Variants in CCDC71L observed in about 807,000 individuals in gnomAD.
CCDC71L encodes coiled-coil domain containing 71 like.
In CCDC71L, 6 loss-of-function variants were observed where a neutral mutation model predicts 10.2. The observed-to-expected ratio is 0.59, with a 90% CI of 0.32 to 1.16. CCDC71L has a LOEUF of 1.16. CCDC71L is among the 50% of genes most tolerant of loss of function. The pLI, the probability that CCDC71L is intolerant of heterozygous loss-of-function variation, is 0.05. For synonymous variants in CCDC71L, 204 were observed against 175.5 expected (o/e 1.16, Z -1.28); for missense variants, 366 against 383.4 (o/e 0.95, Z 0.38).
At position 106,655,076 on chromosome 7, in the gene CCDC71L, ATTAC is replaced by A. The variant is rs1221240607; in HGVS notation, c.*5109_*5112del. Among the ~76,000 whole-genome samples the A allele has an allele frequency of 6.6e-6, 1 of 152,122 alleles. No individual in the cohort carries two copies. Among genetic ancestry groups the A allele is most frequent in the African/African-American group, 2.4e-5 (1 of 41,442 alleles). On this transcript the variant is annotated 3_prime_UTR_variant, in exon 1 of 1. Coordinates refer to ENST00000523505, the MANE Select transcript of CCDC71L (RefSeq NM_175884.6). ...CATAGTGTTTGGTGTTTTTATGATT[ATTAC>A]TTTCCAATTGGGCTTTAGATATGTT...
chr7:106,660,315 G>A lies in CCDC71L; in HGVS notation c.582C>T (p.Ile194=), dbSNP rs1368234740. The A allele has an allele frequency of 6.5e-7, 1 of 1,535,014 alleles. No homozygotes were observed. The highest frequency in any genetic ancestry group is 8.7e-7 in the Non-Finnish European group (1 of 1,151,508). The change falls in exon 1 of 1, where the codon ATC becomes ATT. Residue 194 remains isoleucine (I), a synonymous_variant. Coordinates refer to ENST00000523505, the MANE Select transcript of CCDC71L (RefSeq NM_175884.6). This position sits in a 1 kb window ranked among gnomAD's most constrained non-coding sequence, Gnocchi z 7.5. The part of the protein sequence containing the change: ...ATPTLTTFPT[I]RVGSDVWGER... ...CGCCCCACACGTCGCTGCCGACGCG[G>A]ATGGTGGGGAAGGTGGTCAGCGTCG... is the stretch of plus-strand genomic sequence containing the variant.
chr7:106,660,586 C>T lies in CCDC71L; in HGVS notation c.311G>A (p.Cys104Tyr). 5 of 1,563,652 alleles carry T rather than the reference C, an allele frequency of 3.2e-6. No homozygotes were observed. The highest frequency in any genetic ancestry group is 4.3e-6 in the Non-Finnish European group (5 of 1,156,486). ...CGGGGGGTCGGGTACCAGGGCCCGG[C>T]AGGAGGAGTAGCCGTAGACGTCCTT... ...RSKDVYGYSS[C>Y]RALVPDPPGP... Residue 104 changes from cysteine (C) to tyrosine (Y), a missense_variant, in exon 1 of 1, where the codon TGC (cysteine) becomes TAC (tyrosine). Coordinates refer to ENST00000523505, the MANE Select transcript of CCDC71L (RefSeq NM_175884.6). The surrounding 1 kb of genome is among the most constrained non-coding windows in gnomAD (Gnocchi z 7.5).
chr7:106,660,165 A>C lies in CCDC71L; in HGVS notation c.*24T>G, dbSNP rs1792563360. 1 of 1,509,328 alleles carries C rather than the reference A, an allele frequency of 6.6e-7. No homozygotes were observed. Among genetic ancestry groups the C allele is most frequent in the Non-Finnish European group, 8.8e-7 (1 of 1,139,984 alleles). The allele number at this position is 1,509,328 out of a possible 1,614,324, so 93.5% of individuals were successfully genotyped here. On this transcript the variant is annotated 3_prime_UTR_variant, in exon 1 of 1. Coordinates refer to ENST00000523505, the MANE Select transcript of CCDC71L (RefSeq NM_175884.6). The surrounding 1 kb of genome is among the most constrained non-coding windows in gnomAD (Gnocchi z 7.5). ...GGCCTGTCCCAAGGTCGGGGCCGGCAGGAGGCGCCCTGGAGGCCGCACCTC... is the reference window on the plus strand; with the variant it reads ...GGCCTGTCCCAAGGTCGGGGCCGGCCGGAGGCGCCCTGGAGGCCGCACCTC...
In CCDC71L at chr7:106,655,694, A is replaced by G. The variant is rs1183556919; in HGVS notation, c.*4495T>C. Among the ~76,000 whole-genome samples, 1 of 151,522 alleles carries G rather than the reference A, an allele frequency of 6.6e-6. No individual in the cohort carries two copies. Among genetic ancestry groups the G allele is most frequent in the African/African-American group, 2.5e-5 (1 of 40,812 alleles). The stretch of plus-strand genomic sequence containing the variant: ...GTACATTCAAATGTCTTATAGAGAT[A>G]TAACAAAAGAAGATGTGAATCTTTA... On this transcript the variant is annotated 3_prime_UTR_variant, in exon 1 of 1. Coordinates refer to ENST00000523505, the MANE Select transcript of CCDC71L (RefSeq NM_175884.6).
In CCDC71L at chr7:106,661,155, T is replaced by C. The variant is rs988840452; in HGVS notation, c.-259A>G. On this transcript the variant is annotated 5_prime_UTR_variant, in exon 1 of 1. Transcript: ENST00000523505. ...CCCCTGGTTTCTCTTTCTTCTCCTC[T>C]CTTGCCTCTTTTCGCCGGCTGCCTT... 6.6e-5 allele frequency among the ~76,000 whole-genome samples: 10 copies of C among 152,214 alleles called. No homozygotes were observed. Among genetic ancestry groups the C allele is most frequent in the African/African-American group, 2.4e-4 (10 of 41,456 alleles).
rs568155766 is a variant in CCDC71L at position 106,658,293 on chromosome 7, C to T, written c.*1896G>A. On this transcript the variant is annotated 3_prime_UTR_variant, in exon 1 of 1. Coordinates refer to ENST00000523505, the MANE Select transcript of CCDC71L (RefSeq NM_175884.6). ...CTCATGTGACAGTGTTTGTACAATG[C>T]ATTATCATTGAGTAGTGAATAAAAG... 2.0e-5 allele frequency: 3 copies of T among 152,190 alleles called. No homozygotes were observed. The East Asian group carries it at 5.8e-4, about 29-fold the overall frequency. The allele number at this position is 152,190 out of a possible 1,614,324, so 9.4% of individuals were successfully genotyped here.
At position 106,660,060 on chromosome 7, in the gene CCDC71L, G is replaced by A. The variant is rs753264788; in HGVS notation, c.*129C>T. On this transcript the variant is annotated 3_prime_UTR_variant, in exon 1 of 1. Coordinates refer to ENST00000523505, the MANE Select transcript of CCDC71L (RefSeq NM_175884.6). The surrounding 1 kb of genome is among the most constrained non-coding windows in gnomAD (Gnocchi z 7.5). ...GACAACCATCCGGCAACTTCTTCGCGCGTAAAGTGCATTGGGGGCCGGGGT... is the reference window on the plus strand; with the variant it reads ...GACAACCATCCGGCAACTTCTTCGCACGTAAAGTGCATTGGGGGCCGGGGT... 33 of 1,243,136 alleles carry A rather than the reference G, an allele frequency of 2.7e-5. No homozygotes were observed. Among genetic ancestry groups the A allele is most frequent in the African/African-American group, 4.8e-5 (3 of 62,888 alleles). 77.0% of individuals were successfully genotyped at this position (1,243,136 alleles called of 1,614,324 possible). A position where few individuals can be genotyped will look rare whatever the true frequency, so the allele number is the denominator to read the frequency against.
rs1427024461 is a variant in CCDC71L, at chr7:106,654,565, A to G, written c.*5624T>C. ...TAATTTCAAGTGAAAGAAGCTAGAC[A>G]CATGACCAATAATTCCATTTATGTA... On this transcript the variant is annotated 3_prime_UTR_variant, in exon 1 of 1. Transcript: ENST00000523505. Among the ~76,000 whole-genome samples, 1 of 152,194 alleles carries G rather than the reference A, an allele frequency of 6.6e-6. No homozygotes were observed. Among genetic ancestry groups the G allele is most frequent in the Non-Finnish European group, 1.5e-5 (1 of 68,006 alleles).
Position 106,660,040 on chromosome 7 carries a change from C to G in CCDC71L, c.*149G>C. The G allele has an allele frequency of 2.6e-6, 3 of 1,133,488 alleles. No individual in the cohort carries two copies. Among genetic ancestry groups the G allele is most frequent in the Non-Finnish European group, 3.5e-6 (3 of 855,684 alleles). 70.2% of individuals were successfully genotyped at this position (1,133,488 alleles called of 1,614,324 possible). A position where few individuals can be genotyped will look rare whatever the true frequency, so the allele number is the denominator to read the frequency against. On this transcript the variant is annotated 3_prime_UTR_variant, in exon 1 of 1. Transcript: ENST00000523505. This position sits in a 1 kb window ranked among gnomAD's most constrained non-coding sequence, Gnocchi z 7.5. ...GCGCCGCGGCCCGGGACAGGGACAA[C>G]CATCCGGCAACTTCTTCGCGCGTAA...
Position 106,660,390 on chromosome 7 carries a change from C to A in CCDC71L, c.507G>T (p.Gly169=). 9 of 1,335,498 alleles carry A rather than the reference C, an allele frequency of 6.7e-6. No individual in the cohort carries two copies. The South Asian group carries it at 1.7e-4, about 25-fold the overall frequency. 82.7% of individuals were successfully genotyped at this position (1,335,498 alleles called of 1,614,324 possible). ...ESCPAKPVAP[G]PCFGGRTLEE... is the part of the protein sequence containing the mutation. ...CCAAGGTGCGGCCCCCGAAGCAGGG[C>A]CCGGGGGCCACGGGCTTGGCCGGGC... Residue 169 remains glycine, a synonymous_variant, in exon 1 of 1, where the codon GGG becomes GGT. Transcript: ENST00000523505. The surrounding 1 kb of genome is among the most constrained non-coding windows in gnomAD (Gnocchi z 7.5).
chr7:106,660,630 G>C lies in CCDC71L; in HGVS notation c.267C>G (p.Ser89=), dbSNP rs373458494. 8 of 1,590,346 alleles carry C rather than the reference G, an allele frequency of 5.0e-6. No homozygotes were observed. Among genetic ancestry groups the C allele is most frequent in the Admixed American group, 1.8e-5 (1 of 57,018 alleles). ...CGTCCTTGCTGCGCAGGATGTGCGG[G>C]GAGAACTGGTGCTTGAGGCTGCAGA... ...SFLCSLKHQF[S]PHILRSKDVY... is the part of the protein sequence containing the mutation. The change falls in exon 1 of 1, where the codon TCC becomes TCG. Residue 89 remains serine, a synonymous_variant. Transcript: ENST00000523505. This position sits in a 1 kb window ranked among gnomAD's most constrained non-coding sequence, Gnocchi z 7.5.
In CCDC71L at chr7:106,655,078, T is replaced by TA. The variant is rs1270224950; in HGVS notation, c.*5110dup. 2.6e-5 allele frequency among the ~76,000 whole-genome samples: 4 copies of TA among 152,170 alleles called. No individual in the cohort carries two copies. Among genetic ancestry groups the TA allele is most frequent in the Non-Finnish European group, 5.9e-5 (4 of 67,984 alleles). ...TAGTGTTTGGTGTTTTTATGATTAT[T>TA]ACTTTCCAATTGGGCTTTAGATATG... On this transcript the variant is annotated 3_prime_UTR_variant, in exon 1 of 1. Coordinates refer to ENST00000523505, the MANE Select transcript of CCDC71L (RefSeq NM_175884.6).
chr7:106,657,323 ATG>A lies in CCDC71L; in HGVS notation c.*2864_*2865del, dbSNP rs1792507339. On this transcript the variant is annotated 3_prime_UTR_variant, in exon 1 of 1. Transcript: ENST00000523505. Reference sequence around the variant, plus strand: ...ATGACATCAAGAATCTCAAAAAGTTATGTGAGGTGCCGGTCACCACATTTAGG... The same window carrying A: ...ATGACATCAAGAATCTCAAAAAGTTATGAGGTGCCGGTCACCACATTTAGG... 1 of 152,196 alleles carries A rather than the reference ATG, an allele frequency of 6.6e-6. No homozygotes were observed. The highest frequency in any genetic ancestry group is 2.4e-5 in the African/African-American group (1 of 41,450). The allele number at this position is 152,196 out of a possible 1,614,324, so 9.4% of individuals were successfully genotyped here.
rs979676239 is a variant in CCDC71L at position 106,656,556 on chromosome 7, G to A, written c.*3633C>T. Among the ~76,000 whole-genome samples the A allele has an allele frequency of 6.6e-6, 1 of 151,544 alleles. No homozygotes were observed. Among genetic ancestry groups the A allele is most frequent in the Admixed American group, 6.6e-5 (1 of 15,210 alleles). ...CTGGTTAATAAGTTGGGCTTGTAGC[G>A]CCATCCTAAAAATTCGCTAGATAAT... On this transcript the variant is annotated 3_prime_UTR_variant, in exon 1 of 1. Coordinates refer to ENST00000523505, the MANE Select transcript of CCDC71L (RefSeq NM_175884.6).
rs146130176 is a variant in CCDC71L, at chr7:106,655,268, G to A, written c.*4921C>T. Among the ~76,000 whole-genome samples the A allele has an allele frequency of 5.4e-3, 817 of 152,212 alleles. 11 individuals are homozygous for A. The highest frequency in any genetic ancestry group is 0.019 in the African/African-American group (788 of 41,546). On this transcript the variant is annotated 3_prime_UTR_variant, in exon 1 of 1. Coordinates refer to ENST00000523505, the MANE Select transcript of CCDC71L (RefSeq NM_175884.6). The stretch of plus-strand genomic sequence containing the variant: ...ATAATTTTCCAGGAAATTATTTTGT[G>A]TCAACTTCAGATAACTGCAACTTTG...
rs1447174436 is a variant in CCDC71L, at chr7:106,658,616, T to A, written c.*1573A>T. The A allele has an allele frequency of 6.6e-6, 1 of 152,594 alleles. No homozygotes were observed. The highest frequency in any genetic ancestry group is 2.4e-5 in the African/African-American group (1 of 41,430). The allele number at this position is 152,594 out of a possible 1,614,324, so 9.5% of individuals were successfully genotyped here. On this transcript the variant is annotated 3_prime_UTR_variant, in exon 1 of 1. Transcript: ENST00000523505. ...ATCGTTTCATGGCAGAATACTTAAA[T>A]TTGAAATAATAGTGGTACAAAAACA...
In CCDC71L at chr7:106,660,861, G is replaced by A. The variant is rs1177516889; in HGVS notation, c.36C>T (p.Arg12=). 11 of 1,467,716 alleles carry A rather than the reference G, an allele frequency of 7.5e-6. No individual in the cohort carries two copies. The highest frequency in any genetic ancestry group is 5.9e-5 in the African/African-American group (4 of 67,374). 90.9% of individuals were successfully genotyped at this position (1,467,716 alleles called of 1,614,324 possible). A position where few individuals can be genotyped will look rare whatever the true frequency, so the allele number is the denominator to read the frequency against. ...RRSMKRRRRR[R]PVAPATAARG... ...GGGCGGCCGTGGCCGGGGCGACCGG[G>A]CGCCGGCGCCGCCGCCTCTTCATAC... Residue 12 remains arginine (R), a synonymous_variant, in exon 1 of 1, where the codon CGC becomes CGT. Transcript: ENST00000523505. This position sits in a 1 kb window ranked among gnomAD's most constrained non-coding sequence, Gnocchi z 7.5.
rs527527674 is a variant in CCDC71L at position 106,655,125 on chromosome 7, GT to G, written c.*5063del. ...TATGTTTATTATGTTATAGATCATG[GT>G]TTAGAATGACATTTACCAAGACACA... On this transcript the variant is annotated 3_prime_UTR_variant, in exon 1 of 1. Coordinates refer to ENST00000523505, the MANE Select transcript of CCDC71L (RefSeq NM_175884.6). Among the ~76,000 whole-genome samples, 26 of 152,212 alleles carry G rather than the reference GT, an allele frequency of 1.7e-4. No homozygotes were observed. Among genetic ancestry groups the G allele is most frequent in the Non-Finnish European group, 3.7e-4 (25 of 67,952 alleles).
rs1192071055 is a variant in CCDC71L at position 106,659,373 on chromosome 7, A to AT, written c.*815dup. ...ATCACACACCATATGGTTTCAATGC[A>AT]TTTTTTTATTCAATTCAAAAGAATT... On this transcript the variant is annotated 3_prime_UTR_variant, in exon 1 of 1. Transcript: ENST00000523505. 1 of 152,450 alleles carries AT rather than the reference A, an allele frequency of 6.6e-6. No individual in the cohort carries two copies. The highest frequency in any genetic ancestry group is 1.5e-5 in the Non-Finnish European group (1 of 68,006). 9.4% of individuals were successfully genotyped at this position (152,450 alleles called of 1,614,324 possible).
Sources: allele counts gnomAD v4.1 joint callset (sites outside exome capture counted in the v4.1 genomes callset), GRCh38; gene constraint gnomAD v4.1.1; non-coding constraint Gnocchi (gnomAD v3.1); transcripts MANE v1.5; gene names NCBI Gene and HGNC (gene_info 2026-07-23, HGNC 2026-07-21).